Variants in EXOSC7 observed in about 807,000 individuals in gnomAD.
EXOSC7 encodes the protein exosome component 7.
A neutral mutation model predicts 34.3 loss-of-function variants in EXOSC7; 25 were observed. That is an observed-to-expected ratio of 0.73 (90% CI 0.53 to 1.02). The LOEUF is 1.02. Ranked by LOEUF, EXOSC7 falls within the 50% of genes least tolerant of loss-of-function variation. EXOSC7 has a pLI of 0.00. For synonymous variants in EXOSC7, 130 were observed against 143.0 expected (o/e 0.91, Z 0.65); for missense variants, 370 against 368.5 (o/e 1.00, Z -0.03).
chr3:44,984,551 C>G (rs1268400908), intron 1 of EXOSC7, among the ~76,000 whole-genome samples: 1 of 151,914 alleles, frequency 6.6e-6, no homozygotes, highest in African/African-American at 2.4e-5. Context: ...GAGGTCTCTG[C>G]TGAGTCCTTT....
intron 5 of EXOSC7, among the ~76,000 whole-genome samples, chr3:45,003,659 G>A (rs1706948748): frequency 1.3e-5 from 2 of 152,284 alleles, no homozygotes; most frequent in Admixed American, 1.3e-4. Flanking sequence ...CCAGCCTGGA[G>A]TGAATTGACT....
chr3:45,005,444 T>C (rs1359021306), intron 6 of EXOSC7, 30 bp downstream of exon 6: 3 of 1,608,772 alleles, frequency 1.9e-6, no homozygotes, highest in Non-Finnish European at 2.6e-6. Context: ...GTTTTTGTCT[T>C]CCCTGTGGGT....
intron 3 of EXOSC7, among the ~76,000 whole-genome samples, chr3:44,990,823 G>C (rs770022280): frequency 8.5e-5 from 13 of 152,196 alleles, no homozygotes; most frequent in Non-Finnish European, 1.8e-4. Context: ...ACCCCCATCA[G>C]TTTACTATTG....
rs1422004823 is a variant in EXOSC7 at position 44,998,021 on chromosome 3, A to AT, written c.420+778dup. On this transcript the variant is annotated intron_variant, in intron 4 of 7. Coordinates refer to ENST00000265564, the MANE Select transcript of EXOSC7 (RefSeq NM_015004.4). ...TAACTTCTCTGTGTAGCTCTAATTA[A>AT]TTTTTTTTTGTTTTTTTGTTTTTTT... is the stretch of plus-strand genomic sequence containing the variant. Among the ~76,000 whole-genome samples the AT allele has an allele frequency of 4.2e-4, 59 of 139,784 alleles. 1 individual carries two copies. Among genetic ancestry groups the AT allele is most frequent in the South Asian group, 1.6e-3 (7 of 4,488 alleles). 91.7% of individuals were successfully genotyped at this position (139,784 alleles called of 152,430 possible). A position where few individuals can be genotyped will look rare whatever the true frequency, so the allele number is the denominator to read the frequency against.
chr3:45,005,475 A>G, intron 6 of EXOSC7, 61 bp downstream of exon 6: 1 of 1,544,660 alleles, frequency 6.5e-7, no homozygotes, highest in South Asian at 1.2e-5. Context: ...TCTAATCCCA[A>G]CCTGCTGAGG....
chr3:45,003,342 CGTGCGTGCGTGTGTGT>C (rs1454018748), intron 5 of EXOSC7, among the ~76,000 whole-genome samples: 340 of 80,370 alleles, frequency 4.2e-3, no homozygotes, highest in Non-Finnish European at 7.7e-3. Context: ...TGCGTGCGTG[CGTGCGTGCGTGTGTGT>C]GTGTATGTGT....
chr3:44,996,733 G>A (rs755783469), intron 3 of EXOSC7, among the ~76,000 whole-genome samples: 2 of 152,216 alleles, frequency 1.3e-5, no homozygotes, highest in African/African-American at 2.4e-5. Context: ...TCCTAGGCCT[G>A]CCAGAGAAGA....
chr3:44,980,673 T>C (rs1034466353), intron 1 of EXOSC7, among the ~76,000 whole-genome samples: 17 of 152,170 alleles, frequency 1.1e-4, no homozygotes, highest in Non-Finnish European at 2.2e-4. Flanking sequence ...TCCTTTTCTT[T>C]CCCCCTTTCT....
intron 3 of EXOSC7, among the ~76,000 whole-genome samples, chr3:44,996,397 C>G (rs1443275278): frequency 6.6e-6 from 1 of 151,758 alleles, no homozygotes; most frequent in Non-Finnish European, 1.5e-5. Context: ...GCATAAATAT[C>G]AAGAAGCCAA....
At chr3:45,005,210 T>C (rs1706999623) in intron 5 of EXOSC7, 81 bp from the exon 6 acceptor site, 1 of 1,505,434 alleles carries the variant, frequency 6.6e-7, no homozygotes, top group Non-Finnish European at 9.2e-7. Context: ...GACACAGGGA[T>C]TCCAACTCCT....
At chr3:44,980,639 G>T (rs1226064160) in intron 1 of EXOSC7, among the ~76,000 whole-genome samples, 1 of 152,186 alleles carries the variant, frequency 6.6e-6, no homozygotes, top group Non-Finnish European at 1.5e-5. Context: ...ATCAAGGCAG[G>T]AGAGAATCTT....
chr3:44,993,036 G>A (rs1706613680), intron 3 of EXOSC7, among the ~76,000 whole-genome samples: 1 of 152,140 alleles, frequency 6.6e-6, no homozygotes, highest in Non-Finnish European at 1.5e-5. Flanking sequence ...CACTATATCT[G>A]GGTTCCTTGC....
chr3:45,005,472 C>T (rs1707009513), intron 6 of EXOSC7, 58 bp downstream of exon 6: 2 of 1,559,992 alleles, frequency 1.3e-6, no homozygotes. Context: ...TCCTCTAATC[C>T]CAACCTGCTG....
chr3:45,001,196 A>G (rs1015172553), intron 4 of EXOSC7, among the ~76,000 whole-genome samples: 8 of 152,100 alleles, frequency 5.3e-5, no homozygotes, highest in African/African-American at 9.7e-5. Flanking sequence ...GCTCATGCCT[A>G]TACCCCAGCA....
intron 1 of EXOSC7, among the ~76,000 whole-genome samples, chr3:44,983,135 A>G (rs961529314): frequency 6.6e-6 from 1 of 152,192 alleles, no homozygotes; most frequent in African/African-American, 2.4e-5. Flanking sequence ...GTCAGTTTCT[A>G]TTAAGAAGTA....
intron 1 of EXOSC7, among the ~76,000 whole-genome samples, chr3:44,979,349 C>G (rs1706213439): frequency 6.6e-6 from 1 of 152,188 alleles, no homozygotes; most frequent in Admixed American, 6.5e-5. Flanking sequence ...TTACTTTTCA[C>G]CTTTGGTCCA....
chr3:45,006,134 A>G (rs1360988696), intron 6 of EXOSC7, among the ~76,000 whole-genome samples: 17 of 126,650 alleles, frequency 1.3e-4, no homozygotes, highest in Admixed American at 4.1e-4. Context: ...CTGGAGTGCA[A>G]TGGCGCGATC....
intron 1 of EXOSC7, among the ~76,000 whole-genome samples, chr3:44,982,020 T>C (rs1050765263): frequency 6.6e-6 from 1 of 152,332 alleles, no homozygotes; most frequent in Admixed American, 6.5e-5. Context: ...TCTTTATCTC[T>C]AGTGACATCT....
chr3:45,008,544 A>G (rs1707119573), intron 7 of EXOSC7, among the ~76,000 whole-genome samples: 1 of 152,160 alleles, frequency 6.6e-6, no homozygotes, highest in African/African-American at 2.4e-5. Flanking sequence ...GCTCTGGGCC[A>G]TAGTCCCCCT....
Sources: allele counts gnomAD v4.1 joint callset (sites outside exome capture counted in the v4.1 genomes callset), GRCh38; gene constraint gnomAD v4.1.1; transcripts MANE v1.5; gene names NCBI Gene and HGNC (gene_info 2026-07-23, HGNC 2026-07-21).